The following CHST11 variants were observed in gnomAD, a reference collection of about 807,000 sequenced individuals.
The protein encoded by CHST11 is C4S-1.
In CHST11, 9 loss-of-function variants were observed where a neutral mutation model predicts 30.4. That is an observed-to-expected ratio of 0.30 (90% CI 0.18 to 0.52). The LOEUF (loss-of-function observed/expected upper bound fraction) is 0.52, where lower values mean the gene tolerates loss of function less well. CHST11 is among the 20% of genes least tolerant of loss of function. The pLI, the probability that CHST11 is intolerant of heterozygous loss-of-function variation, is 0.97. For missense variants in CHST11, 348 were observed against 460.6 expected (o/e 0.76, Z 2.24); for synonymous variants, 152 against 187.8 (o/e 0.81, Z 1.56).
chr12:104,675,902 G>A (rs1047814427), intron 2 of CHST11, among the ~76,000 whole-genome samples: 3 of 152,204 alleles, frequency 2.0e-5, no homozygotes, highest in Admixed American at 6.5e-5. Flanking sequence ...ATTTGTGCTC[G>A]GAGAAGGTGG....
chr12:104,598,869 C>T (rs537143137), intron 1 of CHST11, among the ~76,000 whole-genome samples: 1 of 150,392 alleles, frequency 6.6e-6, no homozygotes, highest in Non-Finnish European at 1.5e-5. Context: ...TCTGTATCCT[C>T]GTGGCCAGCT....
At chr12:104,682,122 C>T (rs543190925) in intron 2 of CHST11, among the ~76,000 whole-genome samples, 114 of 152,204 alleles carry the variant, frequency 7.5e-4, no homozygotes, top group Non-Finnish European at 1.3e-3. Context: ...CGTGAGCCAC[C>T]GCGCCTGGCC....
At chr12:104,602,715 C>T (rs185350035) in intron 2 of CHST11, among the ~76,000 whole-genome samples, 1 of 152,268 alleles carries the variant, frequency 6.6e-6, no homozygotes, top group Non-Finnish European at 1.5e-5. Context: ...ATGCCCAGAA[C>T]TGGTAAGTGA....
At chr12:104,507,054 C>T (rs1341665175) in intron 1 of CHST11, among the ~76,000 whole-genome samples, 2 of 152,082 alleles carry the variant, frequency 1.3e-5, no homozygotes, top group Non-Finnish European at 2.9e-5. Context: ...GGGAGAGAGC[C>T]CCTGCTGGCT....
In CHST11 at chr12:104,724,472, C is replaced by T. The variant is rs116027455; in HGVS notation, c.205-32477C>T. Among the ~76,000 whole-genome samples, 548 of 152,008 alleles carry T rather than the reference C, an allele frequency of 3.6e-3. 3 individuals are homozygous for T. The highest frequency in any genetic ancestry group is 0.011 in the African/African-American group (464 of 41,454). ...ATTTTGTGTTGTGTATATTTCACCACCATTTTTTTTTAAAGGGGAGACTTC... is the reference window on the plus strand; with the variant it reads ...ATTTTGTGTTGTGTATATTTCACCATCATTTTTTTTTAAAGGGGAGACTTC... On this transcript the variant is annotated intron_variant, in intron 2 of 2. Transcript: ENST00000303694.
intron 2 of CHST11, among the ~76,000 whole-genome samples, chr12:104,630,593 C>T (rs1422528136): frequency 6.6e-6 from 1 of 152,076 alleles, no homozygotes; most frequent in Non-Finnish European, 1.5e-5. Flanking sequence ...TTGGCCTTCC[C>T]GAAAGGGAAA....
intron 1 of CHST11, among the ~76,000 whole-genome samples, chr12:104,537,823 A>T (rs2038252148): frequency 1.3e-5 from 2 of 151,664 alleles, no homozygotes; most frequent in South Asian, 4.2e-4. Context: ...AGCCTCCTGA[A>T]TGACCGGGAC....
intron 1 of CHST11, among the ~76,000 whole-genome samples, chr12:104,561,799 T>C (rs2038516223): frequency 6.6e-6 from 1 of 151,932 alleles, no homozygotes; most frequent in African/African-American, 2.4e-5. Flanking sequence ...GTCCATTTTT[T>C]TTTTTTTTTT....
chr12:104,619,149 T>G (rs1410659096), intron 2 of CHST11, among the ~76,000 whole-genome samples: 4 of 152,154 alleles, frequency 2.6e-5, no homozygotes, highest in Non-Finnish European at 4.4e-5. Context: ...CAGGATTCAG[T>G]GAAATGGGAG....
intron 2 of CHST11, among the ~76,000 whole-genome samples, chr12:104,669,428 T>TTC (rs397753858): frequency 6.6e-6 from 1 of 151,650 alleles, no homozygotes; most frequent in African/African-American, 2.4e-5. Flanking sequence ...TGATTTTTTT[T>TTC]CCCCCTTGAA....
chr12:104,716,688 G>A (rs80162273), intron 2 of CHST11, among the ~76,000 whole-genome samples: 2,900 of 152,280 alleles, frequency 0.019, 102 homozygotes, highest in African/African-American at 0.063. Flanking sequence ...CGCTCCCAAC[G>A]TGCCTGGGGG....
chr12:104,699,809 T>C (rs2039976925), intron 2 of CHST11, among the ~76,000 whole-genome samples: 1 of 152,222 alleles, frequency 6.6e-6, no homozygotes, highest in Non-Finnish European at 1.5e-5. Context: ...GCAGTGACTA[T>C]AGTCACTATA....
intron 2 of CHST11, among the ~76,000 whole-genome samples, chr12:104,717,083 C>A (rs2040137224): frequency 6.6e-6 from 1 of 152,204 alleles, no homozygotes; most frequent in Non-Finnish European, 1.5e-5. Context: ...ACAGATTACA[C>A]AGGACCCACC....
chr12:104,727,645 T>C (rs756975243), intron 2 of CHST11, among the ~76,000 whole-genome samples: 2 of 152,190 alleles, frequency 1.3e-5, no homozygotes, highest in Non-Finnish European at 2.9e-5. Flanking sequence ...CAACTGATTT[T>C]ATAATCGAGT....
intron 1 of CHST11, among the ~76,000 whole-genome samples, chr12:104,486,325 C>T (rs1445400358): frequency 4.0e-5 from 6 of 148,594 alleles, no homozygotes; most frequent in Non-Finnish European, 5.9e-5. Flanking sequence ...TTTTTAATGA[C>T]ACAGAAATGA....
chr12:104,558,835 G>A (rs2136015035), intron 1 of CHST11, among the ~76,000 whole-genome samples: 1 of 152,100 alleles, frequency 6.6e-6, no homozygotes, highest in South Asian at 2.1e-4. Flanking sequence ...CACCGCACCT[G>A]GCCTAGAAAT....
chr12:104,551,097 C>G (rs2038400160), intron 1 of CHST11, among the ~76,000 whole-genome samples: 1 of 152,206 alleles, frequency 6.6e-6, no homozygotes. Flanking sequence ...CCTACTCTGT[C>G]ATGTTGAAGT....
chr12:104,520,623 A>G (rs2038065616), intron 1 of CHST11, among the ~76,000 whole-genome samples: 1 of 152,202 alleles, frequency 6.6e-6, no homozygotes, highest in Non-Finnish European at 1.5e-5. Flanking sequence ...GTTCACTCAT[A>G]GGATCTTCTT....
intron 1 of CHST11, among the ~76,000 whole-genome samples, chr12:104,498,952 ATCT>A (rs561417408): frequency 2.0e-5 from 3 of 151,998 alleles, no homozygotes; most frequent in Non-Finnish European, 4.4e-5. Context: ...TCTTTTCTTG[ATCT>A]TCTTAACCCG....
Sources: allele counts gnomAD v4.1 joint callset (sites outside exome capture counted in the v4.1 genomes callset), GRCh38; gene constraint gnomAD v4.1.1; transcripts MANE v1.5; gene names NCBI Gene and HGNC (gene_info 2026-07-23, HGNC 2026-07-21).